PTPRS: variants seen among roughly 807,000 people sequenced by gnomAD.
PTPRS encodes protein tyrosine phosphatase receptor type S, also known as receptor-type tyrosine-protein phosphatase S.
A neutral mutation model predicts 215.3 loss-of-function variants in PTPRS; 63 were observed. The observed-to-expected ratio is 0.29, with a 90% CI of 0.24 to 0.36. The LOEUF is 0.36. Ranked by LOEUF, PTPRS falls within the 10% of genes least tolerant of loss-of-function variation. The probability of loss-of-function intolerance (pLI) is 1.00; values close to 1 mark genes in which losing one functional copy is unlikely to be tolerated. For synonymous variants in PTPRS, 1,404 were observed against 1,191.4 expected, an observed-to-expected ratio of 1.18 and a Z score of -3.68; for missense variants, 2,258 against 2,825.8, an observed-to-expected ratio of 0.80 and a Z score of 4.56.
Position 5,222,184 on chromosome 19 carries a change from T to C in PTPRS, c.3140A>G (p.Lys1047Arg). 1 of 1,614,014 alleles carries C rather than the reference T, an allele frequency of 6.2e-7. No homozygotes were observed. Among genetic ancestry groups the C allele is most frequent in the Non-Finnish European group, 8.5e-7 (1 of 1,179,986 alleles). The part of the protein sequence containing the change: ...PKNFKVKMIM[K>R]TSVLLSWEFP... ...CTCCCAGCTGAGCAGAACTGATGTC[T>C]TCATGATCATTTTCACCTTGAAGTT... The change falls in exon 19 of 38, where the codon AAG (lysine) becomes AGG (arginine). Residue 1047 changes from lysine to arginine, a missense_variant. Around this residue, in one of 6 missense-constraint regions of PTPRS, gnomAD observed 361 missense variants for 332.6 expected, o/e 1.09. Transcript: ENST00000262963.
At position 5,237,319 on chromosome 19, in the gene PTPRS, A is replaced by T. The variant is rs1475349354; in HGVS notation, c.1849+1600T>A. ...GGGGGGATGGATACGCCTGGCCCTG[A>T]GTCTTTGCTGTCGGTTCTCCTGGGC... On this transcript the variant is annotated intron_variant, in intron 13 of 37. Coordinates refer to ENST00000262963, the MANE Select transcript of PTPRS (RefSeq NM_002850.4). The surrounding 1 kb of genome is among the most constrained non-coding windows in gnomAD (Gnocchi z 4.2). Among the ~76,000 whole-genome samples the T allele has an allele frequency of 6.6e-6, 1 of 152,206 alleles. No homozygotes were observed. The highest frequency in any genetic ancestry group is 2.4e-5 in the African/African-American group (1 of 41,456).
Position 5,221,022 on chromosome 19 carries a change from C to G in PTPRS, c.3433G>C (p.Gly1145Arg), listed in dbSNP as rs765371680. The change falls in exon 20 of 38, where the codon GGC (glycine) becomes CGC (arginine). Residue 1145 changes from glycine to arginine, a missense_variant. By Grantham distance (125) the Gly-to-Arg change is moderately radical. Transcript: ENST00000262963. ...TACTGGACAGGCACGGGGCTCTGGC[C>G]GTCAGGAAGATACACCATGATGAAG... ...DGFIMVYLPD[G>R]QSPVPVQSYF... 3 of 1,611,714 alleles carry G rather than the reference C, an allele frequency of 1.9e-6. No individual in the cohort carries two copies. The highest frequency in any genetic ancestry group is 1.7e-5 in the Admixed American group (1 of 59,924).
chr19:5,326,948 G>C (rs113924180), intron 1 of PTPRS, among the ~76,000 whole-genome samples: 69 of 152,316 alleles, frequency 4.5e-4, no homozygotes, highest in African/African-American at 1.5e-3. Flanking sequence ...AGACCCTGCA[G>C]AGTGACCTCG....
At chr19:5,219,236 G>T in intron 23 of PTPRS, 74 bp downstream of exon 23, 1 of 1,573,378 alleles carries the variant, frequency 6.4e-7, no homozygotes, top group South Asian at 1.1e-5. Flanking sequence ...ATGATTCTCT[G>T]AGACAACTCC....
At chr19:5,326,906 T>C (rs1308354662) in intron 1 of PTPRS, among the ~76,000 whole-genome samples, 1 of 151,918 alleles carries the variant, frequency 6.6e-6, no homozygotes, top group Non-Finnish European at 1.5e-5. Flanking sequence ...CCTTAGGCGA[T>C]GGGGCAGCAA....
chr19:5,225,520 G>C (rs1232266019), intron 17 of PTPRS, among the ~76,000 whole-genome samples: 1 of 150,158 alleles, frequency 6.7e-6, no homozygotes, highest in Admixed American at 6.6e-5. Flanking sequence ...GACAGGAAGT[G>C]AGTGACAAAG....
intron 16 of PTPRS, among the ~76,000 whole-genome samples, chr19:5,227,165 G>C (rs1198734958): frequency 1.3e-5 from 2 of 151,896 alleles, no homozygotes; most frequent in Non-Finnish European, 2.9e-5. Flanking sequence ...TCCCGCCTTA[G>C]CCTCCCAAGT....
intron 3 of PTPRS, among the ~76,000 whole-genome samples, 176 bp from the exon 4 acceptor site, chr19:5,273,759 C>T (rs371632937): frequency 2.0e-5 from 3 of 152,040 alleles, no homozygotes; most frequent in Non-Finnish European, 2.9e-5. Flanking sequence ...AGTATAAATG[C>T]GCCGCAGACA....
chr19:5,305,406 G>A (rs2049448734), intron 1 of PTPRS, among the ~76,000 whole-genome samples: 1 of 152,056 alleles, frequency 6.6e-6, no homozygotes, highest in African/African-American at 2.4e-5. Context: ...AATTAGCCAG[G>A]CAGGGTGAGG....
intron 1 of PTPRS, among the ~76,000 whole-genome samples, chr19:5,299,796 G>A (rs1323498452): frequency 1.7e-4 from 26 of 152,128 alleles, no homozygotes; most frequent in Non-Finnish European, 2.9e-5. Flanking sequence ...CTTGAACCTG[G>A]GAGGCGGAGG....
At chr19:5,219,906 T>C in intron 22 of PTPRS, 33 bp downstream of exon 22, 1 of 1,604,410 alleles carries the variant, frequency 6.2e-7, no homozygotes, top group Non-Finnish European at 8.5e-7. Flanking sequence ...CAGAGGTGTG[T>C]CTGGATGTGG....
At chr19:5,238,057 G>T (rs904585592) in intron 13 of PTPRS, among the ~76,000 whole-genome samples, 1 of 152,214 alleles carries the variant, frequency 6.6e-6, no homozygotes, top group Non-Finnish European at 1.5e-5. Context: ...CTGGGTGAAG[G>T]GAGGGAAGAG....
At chr19:5,232,382 T>A (rs1281349029) in intron 13 of PTPRS, among the ~76,000 whole-genome samples, 1 of 132,408 alleles carries the variant, frequency 7.6e-6, no homozygotes, top group African/African-American at 2.9e-5. Flanking sequence ...GCAGAAGCTC[T>A]GTTTATTAGG....
intron 1 of PTPRS, among the ~76,000 whole-genome samples, chr19:5,330,153 T>TG (rs2050278657): frequency 6.6e-6 from 1 of 152,016 alleles, no homozygotes; most frequent in Non-Finnish European, 1.5e-5. Flanking sequence ...CAGCCCCTTC[T>TG]GATCGTGGGC....
intron 2 of PTPRS, chr19:5,278,007 A>C: frequency 1.6e-6 from 2 of 1,265,890 alleles, no homozygotes; most frequent in Non-Finnish European, 2.3e-6. Context: ...GATGTGCAAC[A>C]AATCTCCCTG....
At position 5,210,808 on chromosome 19, in the gene PTPRS, G is replaced by A. The variant is rs748426058; in HGVS notation, c.5235-3C>T. ...TCGCGATGTAGGCCTTCTGCTGCCT[G>A]CAGGCGTTGGGGGTATGAGCCCAGG... On this transcript the variant is annotated splice_polypyrimidine_tract_variant and splice_region_variant and intron_variant, in intron 33 of 37. Transcript: ENST00000262963. The surrounding 1 kb of genome is among the most constrained non-coding windows in gnomAD (Gnocchi z 4.5). The A allele has an allele frequency of 6.2e-7, 1 of 1,613,188 alleles. No individual in the cohort carries two copies. Among genetic ancestry groups the A allele is most frequent in the East Asian group, 2.2e-5 (1 of 44,882 alleles).
At chr19:5,216,346 C>T (rs1303870040) in intron 26 of PTPRS, among the ~76,000 whole-genome samples, 5 of 152,166 alleles carry the variant, frequency 3.3e-5, no homozygotes, top group African/African-American at 1.2e-4. Context: ...GTTCAGCTCT[C>T]AGGTGGTTTC....
chr19:5,217,261 G>C (rs2041559080), intron 25 of PTPRS, among the ~76,000 whole-genome samples: 1 of 152,238 alleles, frequency 6.6e-6, no homozygotes, highest in Admixed American at 6.5e-5. Context: ...TCCAGAGACA[G>C]AAATGAGATG....
intron 1 of PTPRS, among the ~76,000 whole-genome samples, chr19:5,325,095 A>G (rs1035148453): frequency 6.6e-6 from 1 of 152,216 alleles, no homozygotes; most frequent in African/African-American, 2.4e-5. Context: ...ACTGGGGCCC[A>G]GGCCCCTTCC....
Sources: allele counts gnomAD v4.1 joint callset (sites outside exome capture counted in the v4.1 genomes callset), GRCh38; gene constraint gnomAD v4.1.1; regional missense constraint gnomAD v4.1.1; non-coding constraint Gnocchi (gnomAD v3.1); transcripts MANE v1.5; gene names NCBI Gene and HGNC (gene_info 2026-07-23, HGNC 2026-07-21).